The following CHST3 variants were observed in gnomAD, a reference collection of about 807,000 sequenced individuals.
CHST3 encodes the protein carbohydrate sulfotransferase 3.
CHST3 carries 20 observed loss-of-function variants against 35.4 expected under a neutral mutation model. The ratio of observed to expected loss-of-function variants is 0.57; its 90% CI spans 0.40 to 0.82. The LOEUF is 0.82. Ranked by LOEUF, CHST3 falls within the 40% of genes least tolerant of loss-of-function variation. The pLI, the probability that CHST3 is intolerant of heterozygous loss-of-function variation, is 0.00. For missense variants in CHST3, 693 were observed against 670.1 expected (o/e 1.03, Z -0.38); for synonymous variants, 334 against 295.9 (o/e 1.13, Z -1.32).
intron 1 of CHST3, among the ~76,000 whole-genome samples, chr10:71,979,802 C>T (rs1347912749): frequency 6.6e-6 from 1 of 152,138 alleles, no homozygotes; most frequent in African/African-American, 2.4e-5. Context: ...CAGCAAATCA[C>T]CACCACTCCC....
At chr10:71,985,346 G>T (rs1440390731) in intron 1 of CHST3, among the ~76,000 whole-genome samples, 1 of 152,204 alleles carries the variant, frequency 6.6e-6, no homozygotes, top group African/African-American at 2.4e-5. Context: ...GCTGATGGGG[G>T]ATCACATATC....
intron 1 of CHST3, among the ~76,000 whole-genome samples, chr10:71,969,307 C>T (rs896294241): frequency 1.3e-5 from 2 of 152,188 alleles, no homozygotes; most frequent in African/African-American, 4.8e-5. Context: ...CAGTGGATGC[C>T]CAAGGTCACG....
intron 1 of CHST3, among the ~76,000 whole-genome samples, chr10:71,998,334 G>C (rs4148930): frequency 0.64 from 96,627 of 152,134 alleles, 31,714 homozygotes; most frequent in African/African-American, 0.81. Flanking sequence ...ACGTCCTTGG[G>C]CATGAATCTT....
At chr10:72,004,188 G>A (rs940796027) in intron 1 of CHST3, among the ~76,000 whole-genome samples, 2 of 151,482 alleles carry the variant, frequency 1.3e-5, no homozygotes, top group Admixed American at 6.6e-5. Flanking sequence ...TAATAATAAT[G>A]ATACATACTA....
intron 1 of CHST3, among the ~76,000 whole-genome samples, chr10:71,989,727 C>G (rs1839880194): frequency 6.6e-6 from 1 of 152,160 alleles, no homozygotes; most frequent in East Asian, 1.9e-4. Flanking sequence ...AGTGACAGTT[C>G]CCACCCATTC....
At chr10:71,970,566 T>G (rs1463598830) in intron 1 of CHST3, among the ~76,000 whole-genome samples, 5 of 152,116 alleles carry the variant, frequency 3.3e-5, no homozygotes, top group Non-Finnish European at 7.3e-5. Flanking sequence ...CCAGTCCTTG[T>G]GCTGCAGGGA....
rs763485176 is a variant in CHST3 at position 72,007,994 on chromosome 10, G to C, written c.963G>C (p.Trp321Cys). Residue 321 changes from tryptophan to cysteine, a missense_variant, in exon 3 of 3, where the codon TGG (tryptophan) becomes TGC (cysteine). Trp to Cys is a radical substitution (Grantham distance 215, BLOSUM62 -2). Coordinates refer to ENST00000373115, the MANE Select transcript of CHST3 (RefSeq NM_004273.5). ...MVAFAGKYKT[W>C]KKWLDDEGQD... Reference sequence around the variant, plus strand: ...CCTTCGCCGGCAAGTATAAGACCTGGAAGAAGTGGCTGGACGACGAGGGCC... The same window carrying C: ...CCTTCGCCGGCAAGTATAAGACCTGCAAGAAGTGGCTGGACGACGAGGGCC... The C allele has an allele frequency of 6.5e-7, 1 of 1,549,624 alleles. No individual in the cohort carries two copies. Among genetic ancestry groups the C allele is most frequent in the South Asian group, 1.2e-5 (1 of 84,054 alleles).
At chr10:72,005,688 A>G in intron 1 of CHST3, 48 bp from the exon 2 acceptor site, 1 of 886,282 alleles carries the variant, frequency 1.1e-6, no homozygotes, top group Non-Finnish European at 1.8e-6. Flanking sequence ...CATCCTCTGC[A>G]TTCCTCGTGT....
Position 72,008,510 on chromosome 10 carries a change from C to A in CHST3, c.*39C>A. 1 of 1,467,148 alleles carries A rather than the reference C, an allele frequency of 6.8e-7. No homozygotes were observed. Among genetic ancestry groups the A allele is most frequent in the Non-Finnish European group, 9.0e-7 (1 of 1,109,106 alleles). The allele number at this position is 1,467,148 out of a possible 1,614,324, so 90.9% of individuals were successfully genotyped here. A position where few individuals can be genotyped will look rare whatever the true frequency, so the allele number is the denominator to read the frequency against. On this transcript the variant is annotated 3_prime_UTR_variant, in exon 3 of 3. Coordinates refer to ENST00000373115, the MANE Select transcript of CHST3 (RefSeq NM_004273.5). Reference sequence around the variant, plus strand: ...CCGTATGCCCCTCCTCGTGAAAGGCCTGCCCCGTCTTTCTGCCGCAGCCCT... The same window carrying A: ...CCGTATGCCCCTCCTCGTGAAAGGCATGCCCCGTCTTTCTGCCGCAGCCCT...
At chr10:71,999,218 C>T (rs1839969342) in intron 1 of CHST3, among the ~76,000 whole-genome samples, 1 of 152,140 alleles carries the variant, frequency 6.6e-6, no homozygotes, top group Non-Finnish European at 1.5e-5. Context: ...GGCAGGCTGG[C>T]ATAGGAGCTC....
chr10:71,974,227 T>G (rs983021526), intron 1 of CHST3, among the ~76,000 whole-genome samples: 1 of 152,200 alleles, frequency 6.6e-6, no homozygotes, highest in Non-Finnish European at 1.5e-5. Context: ...TGAATGTCAT[T>G]CTTTCCATTC....
At chr10:71,984,754 A>T (rs1839831965) in intron 1 of CHST3, among the ~76,000 whole-genome samples, 1 of 152,218 alleles carries the variant, frequency 6.6e-6, no homozygotes, top group Non-Finnish European at 1.5e-5. Context: ...AAGTACATTT[A>T]TGTACATGAA....
At chr10:71,993,143 G>T (rs552438517) in intron 1 of CHST3, among the ~76,000 whole-genome samples, 1 of 152,282 alleles carries the variant, frequency 6.6e-6, no homozygotes, top group Non-Finnish European at 1.5e-5. Context: ...TATTTTATGT[G>T]TAGAACAAGG....
In CHST3 at chr10:72,009,250, T is replaced by G. The variant is rs544271000; in HGVS notation, c.*779T>G. On this transcript the variant is annotated 3_prime_UTR_variant, in exon 3 of 3. Transcript: ENST00000373115. ...GAGCCTGTGCTTAACATTTGTAGGA[T>G]TATTTCGAGGGCAGGGCAGGGGAAA... 3 of 152,324 alleles carry G rather than the reference T, an allele frequency of 2.0e-5. No individual in the cohort carries two copies. The South Asian group carries it at 6.2e-4, about 32-fold the overall frequency. 9.4% of individuals were successfully genotyped at this position (152,324 alleles called of 1,614,324 possible).
chr10:72,004,949 G>A (rs574666333), intron 1 of CHST3, among the ~76,000 whole-genome samples: 1 of 152,304 alleles, frequency 6.6e-6, no homozygotes, highest in East Asian at 1.9e-4. Context: ...GGGCAACATG[G>A]CAAGACCCCA....
intron 1 of CHST3, among the ~76,000 whole-genome samples, chr10:71,988,617 C>T (rs1197050483): frequency 1.3e-5 from 2 of 152,208 alleles, no homozygotes; most frequent in African/African-American, 2.4e-5. Context: ...GATGCCAGCA[C>T]CATGCTTCTT....
chr10:71,970,244 T>TC (rs11424498), intron 1 of CHST3, among the ~76,000 whole-genome samples: 18,928 of 151,948 alleles, frequency 0.12, 1,236 homozygotes, highest in African/African-American at 0.16. Context: ...GTCCTCTTGA[T>TC]CCCCCTCACC....
In CHST3 at chr10:72,007,425, C is replaced by T. The variant is rs766145797; in HGVS notation, c.394C>T (p.Arg132Trp). 6.2e-6 allele frequency: 10 copies of T among 1,603,236 alleles called. No individual in the cohort carries two copies. Among genetic ancestry groups the T allele is most frequent in the South Asian group, 5.5e-5 (5 of 90,700 alleles). The change falls in exon 3 of 3, where the codon CGG becomes TGG. Residue 132 changes from arginine to tryptophan, a missense_variant. Coordinates refer to ENST00000373115, the MANE Select transcript of CHST3 (RefSeq NM_004273.5). ...EPPRPAVAGPRRHVLLMATTR... is the reference protein window; with the variant it reads ...EPPRPAVAGPWRHVLLMATTR... ...GCCCAGACCGGCCGTGGCGGGGCCCCGGCGCCACGTGCTGCTCATGGCCAC... is the reference window on the plus strand; with the variant it reads ...GCCCAGACCGGCCGTGGCGGGGCCCTGGCGCCACGTGCTGCTCATGGCCAC...
At chr10:72,000,156 A>G (rs182450671) in intron 1 of CHST3, among the ~76,000 whole-genome samples, 1 of 152,148 alleles carries the variant, frequency 6.6e-6, no homozygotes, top group Non-Finnish European at 1.5e-5. Context: ...TCCTCTTCAT[A>G]TCTTCTGTCA....
Sources: allele counts gnomAD v4.1 joint callset (sites outside exome capture counted in the v4.1 genomes callset), GRCh38; gene constraint gnomAD v4.1.1; transcripts MANE v1.5; gene names NCBI Gene and HGNC (gene_info 2026-07-23, HGNC 2026-07-21).